FGD4: variants seen among roughly 807,000 people sequenced by gnomAD.
The protein encoded by FGD4 is FYVE, RhoGEF and PH domain containing 4.
A neutral mutation model predicts 102.0 loss-of-function variants in FGD4; 42 were observed. The ratio of observed to expected loss-of-function variants is 0.41; its 90% CI spans 0.32 to 0.53. The LOEUF is 0.53. Among genes scored for constraint, FGD4 ranks in the 20% least tolerant of loss-of-function variants. The pLI, the probability that FGD4 is intolerant of heterozygous loss-of-function variation, is 0.21. For synonymous variants in FGD4, 380 were observed against 375.7 expected, an observed-to-expected ratio of 1.01 and a Z score of -0.13; for missense variants, 902 against 1,078.2, an observed-to-expected ratio of 0.84 and a Z score of 2.29.
chr12:32,562,089 T>G (rs1944646165), intron 1 of FGD4, among the ~76,000 whole-genome samples: 3 of 152,320 alleles, frequency 2.0e-5, no homozygotes, highest in Admixed American at 2.0e-4. Context: ...ACGTTGGGCT[T>G]TCCTCCTTTG....
In FGD4 at chr12:32,582,529, ACT is replaced by A. The variant is rs762086383; in HGVS notation, c.1011+65_1011+66del. 5 of 1,592,736 alleles carry A rather than the reference ACT, an allele frequency of 3.1e-6. No homozygotes were observed. The African/African-American group carries it at 5.4e-5, about 17-fold the overall frequency. ...CTGCCTATTCGATTGTTGTCTTAAAACTCTTTATTTATTGCACCCCTGAAATG... is the reference window on the plus strand; with the variant it reads ...CTGCCTATTCGATTGTTGTCTTAAAACTTTATTTATTGCACCCCTGAAATG... On this transcript the variant is annotated intron_variant, in intron 4 of 16. Transcript: ENST00000534526.
rs1941633241 is a variant in FGD4 at position 32,529,878 on chromosome 12, A to G, written c.167-34259A>G. On this transcript the variant is annotated intron_variant, in intron 1 of 16. Transcript: ENST00000534526. ...AAAATTTAAAAAAAAAAAAGCTGACATTGCCAATAGTATGTTAGGTTAATT... is the reference window on the plus strand; with the variant it reads ...AAAATTTAAAAAAAAAAAAGCTGACGTTGCCAATAGTATGTTAGGTTAATT... 7.3e-5 allele frequency among the ~76,000 whole-genome samples: 11 copies of G among 151,662 alleles called. No individual in the cohort carries two copies. The South Asian group carries it at 2.3e-3, about 32-fold the overall frequency.
At chr12:32,421,864 G>A (rs954397187) in intron 1 of FGD4, among the ~76,000 whole-genome samples, 1 of 152,072 alleles carries the variant, frequency 6.6e-6, no homozygotes, top group African/African-American at 2.4e-5. Context: ...CTATAGGCCG[G>A]GCGCAGTGGC....
At chr12:32,620,520 CTTTTTTTTTTTT>C (rs1233071153) in intron 11 of FGD4, among the ~76,000 whole-genome samples, 3 of 91,136 alleles carry the variant, frequency 3.3e-5, no homozygotes, top group African/African-American at 9.3e-5. Flanking sequence ...TTTTTTCTTT[CTTTTTTTTTTTT>C]TTTTTTTTTT....
At chr12:32,638,619 G>T (rs760548278) in intron 15 of FGD4, 36 bp from the exon 16 acceptor site, 15 of 1,612,562 alleles carry the variant, frequency 9.3e-6, no homozygotes, top group Non-Finnish European at 9.3e-6. Flanking sequence ...CTGATTTGTT[G>T]TGTGTTCATT....
chr12:32,461,570 A>G (rs571403172), intron 1 of FGD4, among the ~76,000 whole-genome samples: 2 of 152,282 alleles, frequency 1.3e-5, no homozygotes, highest in East Asian at 3.9e-4. Flanking sequence ...TGCACAGAGC[A>G]CTGAAAGCTC....
intron 15 of FGD4, 21 bp from the exon 16 acceptor site, chr12:32,638,634 C>G: frequency 6.2e-7 from 1 of 1,613,908 alleles, no homozygotes; most frequent in South Asian, 1.1e-5. Context: ...TTCATTCTGT[C>G]TTTCCATTAT....
In FGD4 at chr12:32,417,111, G is replaced by C. The variant is rs531717700; in HGVS notation, c.166+17152G>C. On this transcript the variant is annotated intron_variant, in intron 1 of 16. Coordinates refer to ENST00000534526, the MANE Select transcript of FGD4 (RefSeq NM_001370298.3). ...AGGTTTCATCATGTTGGTCAGGCTG[G>C]TCTCAAACGCCTGACCTCGTGATCC... 2.0e-5 allele frequency among the ~76,000 whole-genome samples: 3 copies of C among 152,150 alleles called. No individual in the cohort carries two copies. In the South Asian group the frequency reaches 6.2e-4, roughly 32 times the overall value.
At chr12:32,427,478 T>C (rs1018383739) in intron 1 of FGD4, among the ~76,000 whole-genome samples, 10 of 152,158 alleles carry the variant, frequency 6.6e-5, no homozygotes, top group African/African-American at 2.4e-4. Flanking sequence ...GAGTATTTTA[T>C]TTCCAAATAT....
At chr12:32,600,580 C>CTTTTTTTTTTTTTTTTTTTTT (rs753429889) in intron 5 of FGD4, 1 of 265,924 alleles carries the variant, frequency 3.8e-6, no homozygotes. Flanking sequence ...TTCTTTCTTT[C>CTTTTTTTTTTTTTTTTTTTTT]TTTCTTTCTT....
At chr12:32,605,082 G>A (rs897743723) in intron 7 of FGD4, among the ~76,000 whole-genome samples, 2 of 151,678 alleles carry the variant, frequency 1.3e-5, no homozygotes, top group African/African-American at 4.8e-5. Context: ...GGGATTACAG[G>A]TACATGCCAC....
intron 1 of FGD4, among the ~76,000 whole-genome samples, chr12:32,527,619 G>A (rs1051315091): frequency 7.9e-5 from 12 of 152,042 alleles, no homozygotes; most frequent in African/African-American, 2.9e-4. Flanking sequence ...TAGTAGAGAT[G>A]GGGTTTCACC....
chr12:32,412,899 A>T (rs1052736285), intron 1 of FGD4, among the ~76,000 whole-genome samples: 17 of 86,992 alleles, frequency 2.0e-4, no homozygotes, highest in African/African-American at 3.8e-4. Flanking sequence ...TTTTCTAGAA[A>T]TTTTTTTTTT....
intron 1 of FGD4, among the ~76,000 whole-genome samples, chr12:32,424,304 G>A (rs879936948): frequency 1.3e-5 from 2 of 151,934 alleles, no homozygotes; most frequent in Non-Finnish European, 2.9e-5. Context: ...CCATATATGA[G>A]TGAGAACATG....
chr12:32,417,598 C>T (rs1385174927), intron 1 of FGD4, among the ~76,000 whole-genome samples: 2 of 152,102 alleles, frequency 1.3e-5, no homozygotes, highest in East Asian at 3.9e-4. Context: ...TCTGGGATTA[C>T]AGGTACATGT....
At chr12:32,450,978 T>A (rs969333806) in intron 1 of FGD4, among the ~76,000 whole-genome samples, 1 of 152,230 alleles carries the variant, frequency 6.6e-6, no homozygotes, top group Admixed American at 6.5e-5. Context: ...TGACATCCTG[T>A]GCTGCAGTGA....
chr12:32,561,412 T>C (rs1474172960), intron 1 of FGD4, among the ~76,000 whole-genome samples: 2 of 152,202 alleles, frequency 1.3e-5, no homozygotes, highest in African/African-American at 2.4e-5. Context: ...ATCAATATTA[T>C]TTAATAATGA....
At chr12:32,537,468 G>A (rs1942392693) in intron 1 of FGD4, among the ~76,000 whole-genome samples, 1 of 152,074 alleles carries the variant, frequency 6.6e-6, no homozygotes. Flanking sequence ...TAAAAACGGA[G>A]GGCAGATAAT....
chr12:32,612,126 C>T (rs1949178605), intron 10 of FGD4, among the ~76,000 whole-genome samples: 1 of 152,226 alleles, frequency 6.6e-6, no homozygotes, highest in South Asian at 2.1e-4. Context: ...GGGAGGGAAG[C>T]CAAGGGGTTG....
Sources: allele counts gnomAD v4.1 joint callset (sites outside exome capture counted in the v4.1 genomes callset), GRCh38; gene constraint gnomAD v4.1.1; transcripts MANE v1.5; gene names NCBI Gene and HGNC (gene_info 2026-07-23, HGNC 2026-07-21).